Variants in GTPBP1 observed in about 807,000 individuals in gnomAD.
GTPBP1 encodes GTP binding protein 1.
In GTPBP1, 23 loss-of-function variants were observed where a neutral mutation model predicts 62.0. The ratio of observed to expected loss-of-function variants is 0.37; its 90% CI spans 0.27 to 0.53. GTPBP1 has a LOEUF of 0.53. GTPBP1 is among the 20% of genes least tolerant of loss of function. The pLI is 0.89. For missense variants in GTPBP1, 640 were observed against 917.3 expected, an observed-to-expected ratio of 0.70 and a Z score of 3.90; for synonymous variants, 344 against 364.4, an observed-to-expected ratio of 0.94 and a Z score of 0.64.
intron 2 of GTPBP1, among the ~76,000 whole-genome samples, chr22:38,712,827 C>G (rs1408360417): frequency 6.6e-6 from 1 of 152,216 alleles, no homozygotes; most frequent in African/African-American, 2.4e-5. Context: ...GCAAACCCTT[C>G]TCTAACCCTG....
rs1371013308 is a variant in GTPBP1 at position 38,727,651 on chromosome 22, T to C, written c.1537+303T>C. Reference sequence around the variant, plus strand: ...GTTGCTAAGGTGCTGGGAACAAAGATGAAGTAGATGGGCAAGGATCCTTCC... The same window carrying C: ...GTTGCTAAGGTGCTGGGAACAAAGACGAAGTAGATGGGCAAGGATCCTTCC... On this transcript the variant is annotated intron_variant, in intron 9 of 11. Coordinates refer to ENST00000216044, the MANE Select transcript of GTPBP1 (RefSeq NM_004286.5). The surrounding 1 kb of genome is among the most constrained non-coding windows in gnomAD (Gnocchi z 6.5). 6.6e-6 allele frequency among the ~76,000 whole-genome samples: 1 copy of C among 152,062 alleles called. No homozygotes were observed. The highest frequency in any genetic ancestry group is 2.1e-4 in the South Asian group (1 of 4,826).
chr22:38,742,323 C>T, downstream of GTPBP1: 2 of 1,605,374 alleles, frequency 1.2e-6, no homozygotes, highest in South Asian at 1.1e-5. Flanking sequence ...AGCAGTTTCC[C>T]TGCGGAAATC....
chr22:38,715,264 G>T (rs1937822068), intron 2 of GTPBP1, among the ~76,000 whole-genome samples: 1 of 152,156 alleles, frequency 6.6e-6, no homozygotes, highest in African/African-American at 2.4e-5. Flanking sequence ...GGTGCAGAAG[G>T]TGTGTCGCTG....
chr22:38,736,383 G>C, downstream of GTPBP1: 1 of 1,609,858 alleles, frequency 6.2e-7, no homozygotes, highest in South Asian at 1.1e-5. Flanking sequence ...GTAGGGGCCT[G>C]GGTAGAGAAG....
At position 38,721,823 on chromosome 22, in the gene GTPBP1, G is replaced by A. The variant is rs751749618; in HGVS notation, c.916G>A (p.Val306Ile). ...GGCACTCAATGTACCTGTCTTTGTGGTAGTCACCAAGATTGACATGTGTCC... is the reference window on the plus strand; with the variant it reads ...GGCACTCAATGTACCTGTCTTTGTGATAGTCACCAAGATTGACATGTGTCC... ...ALALNVPVFV[V>I]VTKIDMCPAN... Residue 306 changes from valine to isoleucine, a missense_variant, in exon 5 of 12, where the codon GTA becomes ATA. Physicochemically the swap from Val to Ile is conservative, Grantham distance 29 (BLOSUM62 3). Coordinates refer to ENST00000216044, the MANE Select transcript of GTPBP1 (RefSeq NM_004286.5). 2.5e-5 allele frequency: 40 copies of A among 1,611,020 alleles called. No individual in the cohort carries two copies. Among genetic ancestry groups the A allele is most frequent in the Non-Finnish European group, 3.1e-5 (37 of 1,177,624 alleles).
At chr22:38,739,760 TCAGGCTCAGGGAGGCCGC>T (rs1410914871), downstream of GTPBP1, 1 of 1,613,530 alleles carries the variant, frequency 6.2e-7, no homozygotes, top group Non-Finnish European at 8.5e-7. This position sits in a 1 kb window ranked among gnomAD's most constrained non-coding sequence, Gnocchi z 6.7. Flanking sequence ...TTCTGCAGCG[TCAGGCTCAGGGAGGCCGC>T]GGCTTCCCTG....
At chr22:38,723,068 G>A in intron 5 of GTPBP1, 1 of 776,324 alleles carries the variant, frequency 1.3e-6, no homozygotes, top group Non-Finnish European at 2.3e-6. Flanking sequence ...ATTATTTCTT[G>A]GTGTATTTAT....
At chr22:38,710,579 C>T (rs562217306) in intron 2 of GTPBP1, among the ~76,000 whole-genome samples, 2 of 151,940 alleles carry the variant, frequency 1.3e-5, no homozygotes, top group East Asian at 3.9e-4. Flanking sequence ...AGTTGATTAG[C>T]ATTATCAAGT....
At chr22:38,708,773 C>A (rs2092621139) in intron 1 of GTPBP1, 72 bp from the exon 2 acceptor site, 1 of 854,624 alleles carries the variant, frequency 1.2e-6, no homozygotes, top group Non-Finnish European at 2.0e-6. Flanking sequence ...TTTGGTTAGG[C>A]TATATTGATC....
intron 2 of GTPBP1, among the ~76,000 whole-genome samples, chr22:38,715,478 T>C (rs1284438123): frequency 1.3e-5 from 2 of 152,206 alleles, no homozygotes; most frequent in Non-Finnish European, 2.9e-5. Context: ...ATCAGCCCTT[T>C]GCAGAACTGT....
downstream of GTPBP1, chr22:38,741,096 A>G: frequency 6.4e-7 from 1 of 1,565,664 alleles, no homozygotes; most frequent in African/African-American, 1.4e-5. Context: ...CATCTCAGAA[A>G]TTGGTGTTCC....
At position 38,729,618 on chromosome 22, in the gene GTPBP1, G is replaced by A. The variant is rs138730175; in HGVS notation, c.1873G>A (p.Val625Ile). ...CCCACCTGGAGATGAAGCCTCCTCT[G>A]TAGGGGCAGGGCAACCAGCTGCGTC... ...APPPGDEASS[V>I]GAGQPAASSN... Residue 625 changes from valine to isoleucine, a missense_variant, in exon 11 of 12, where the codon GTA (valine) becomes ATA (isoleucine). Physicochemically the swap from Val to Ile is conservative, Grantham distance 29 (BLOSUM62 3). Coordinates refer to ENST00000216044, the MANE Select transcript of GTPBP1 (RefSeq NM_004286.5). 3 of 1,541,908 alleles carry A rather than the reference G, an allele frequency of 1.9e-6. No homozygotes were observed. The highest frequency in any genetic ancestry group is 1.7e-6 in the Non-Finnish European group (2 of 1,145,934).
At chr22:38,706,648 T>G (rs2092606902) in intron 1 of GTPBP1, 1 of 152,898 alleles carries the variant, frequency 6.5e-6, no homozygotes, top group Non-Finnish European at 1.5e-5. Flanking sequence ...GGCCGCCGCG[T>G]CTCTTCCCAG....
chr22:38,711,417 C>T (rs1485023269), intron 2 of GTPBP1, among the ~76,000 whole-genome samples: 1 of 152,150 alleles, frequency 6.6e-6, no homozygotes, highest in East Asian at 1.9e-4. Flanking sequence ...GAATCTCTCC[C>T]ATGGTGTAGT....
At chr22:38,719,929 C>CTTT (rs374928496) in intron 4 of GTPBP1, among the ~76,000 whole-genome samples, 13 of 135,776 alleles carry the variant, frequency 9.6e-5, no homozygotes, top group African/African-American at 2.2e-4. Context: ...TTCTTTCTTT[C>CTTT]TTTTTTTTTT....
chr22:38,720,495 G>T (rs2092694340), intron 4 of GTPBP1, among the ~76,000 whole-genome samples: 1 of 152,020 alleles, frequency 6.6e-6, no homozygotes. Context: ...CTCCCAAAGT[G>T]CTGGGATTAT....
Position 38,730,808 on chromosome 22 carries a change from A to T in GTPBP1, c.*104A>T. ...TGACCGCCACCCAGCCCTCCCGCTC[A>T]GGCCACAGCCGGAGCCTCCGCATTG... On this transcript the variant is annotated 3_prime_UTR_variant, in exon 12 of 12. Transcript: ENST00000216044. The surrounding 1 kb of genome is among the most constrained non-coding windows in gnomAD (Gnocchi z 5.6). The T allele has an allele frequency of 1.6e-6, 1 of 638,274 alleles. No individual in the cohort carries two copies. The highest frequency in any genetic ancestry group is 2.6e-6 in the Non-Finnish European group (1 of 378,482). The allele number at this position is 638,274 out of a possible 1,614,324, so 39.5% of individuals were successfully genotyped here.
chr22:38,740,387 C>T (rs2092846009), downstream of GTPBP1: 1 of 1,573,892 alleles, frequency 6.4e-7, no homozygotes, highest in Admixed American at 1.8e-5. This position sits in a 1 kb window ranked among gnomAD's most constrained non-coding sequence, Gnocchi z 4.8. Flanking sequence ...CCTCCAGCCG[C>T]CTCAGCTCCT....
intron 6 of GTPBP1, 95 bp from the exon 7 acceptor site, chr22:38,725,911 T>C: frequency 8.6e-7 from 1 of 1,168,262 alleles, no homozygotes; most frequent in East Asian, 2.4e-5. Context: ...CATCTGCTCC[T>C]CGAGCCCTGT....
Sources: gnomAD v4.1 joint callset for allele counts (sites outside exome capture counted in the v4.1 genomes callset) on GRCh38, gnomAD v4.1.1 for gene constraint, Gnocchi (gnomAD v3.1) non-coding constraint, MANE v1.5 for transcripts, NCBI Gene and HGNC (gene_info 2026-07-23, HGNC 2026-07-21) for gene names.